GPC5: variants seen among roughly 807,000 people sequenced by gnomAD.
GPC5 encodes glypican 5, also known as glypican-5.
In GPC5, 47 loss-of-function variants were observed where a neutral mutation model predicts 53.9. That is an observed-to-expected ratio of 0.87 (90% CI 0.69 to 1.11). GPC5 has a LOEUF of 1.11. Among genes scored for constraint, GPC5 ranks in the 50% most tolerant of loss-of-function variants. The probability of loss-of-function intolerance (pLI) is 0.00; values close to 1 mark genes in which losing one functional copy is unlikely to be tolerated. For missense variants in GPC5, 748 were observed against 713.1 expected (o/e 1.05, Z -0.56); for synonymous variants, 286 against 263.3 (o/e 1.09, Z -0.84).
At chr13:92,694,759 G>A (rs1471837239) in intron 7 of GPC5, among the ~76,000 whole-genome samples, 1 of 152,180 alleles carries the variant, frequency 6.6e-6, no homozygotes, top group African/African-American at 2.4e-5. Flanking sequence ...AACTTTGGGG[G>A]ATTCTTGGGA....
rs111333484 is a variant in GPC5 at position 91,896,446 on chromosome 13, C to T, written c.1281-11491C>T. Among the ~76,000 whole-genome samples, 489 of 152,242 alleles carry T rather than the reference C, an allele frequency of 3.2e-3. 3 individuals carry two copies. Among genetic ancestry groups the T allele is most frequent in the African/African-American group, 0.011 (466 of 41,556 alleles). ...TATTTTAAGACCCTTAATTTAATCA[C>T]ATCTGTAAACCCCCTTTGTAAGCTT... On this transcript the variant is annotated intron_variant, in intron 5 of 7. Coordinates refer to ENST00000377067, the MANE Select transcript of GPC5 (RefSeq NM_004466.6).
intron 2 of GPC5, among the ~76,000 whole-genome samples, chr13:91,603,995 A>G (rs1421093486): frequency 6.7e-6 from 1 of 148,844 alleles, no homozygotes; most frequent in Admixed American, 6.7e-5. Flanking sequence ...GTACATGTGC[A>G]CATTGTGCAG....
At chr13:91,632,841 A>C (rs1450517293) in intron 2 of GPC5, among the ~76,000 whole-genome samples, 2 of 152,108 alleles carry the variant, frequency 1.3e-5, no homozygotes, top group African/African-American at 4.8e-5. Context: ...AGAATTTAGA[A>C]AGATTATCTG....
At chr13:92,206,913 A>T (rs2042341936) in intron 7 of GPC5, among the ~76,000 whole-genome samples, 1 of 152,146 alleles carries the variant, frequency 6.6e-6, no homozygotes, top group South Asian at 2.1e-4. Context: ...AAAAGATGGA[A>T]TGGTCTTCAC....
At chr13:91,621,970 T>G (rs1262728965) in intron 2 of GPC5, among the ~76,000 whole-genome samples, 4 of 151,708 alleles carry the variant, frequency 2.6e-5, no homozygotes, top group Non-Finnish European at 5.9e-5. Context: ...AAATCACTGG[T>G]GTAAGTCTGA....
intron 2 of GPC5, among the ~76,000 whole-genome samples, chr13:91,518,326 G>A (rs982790740): frequency 2.6e-5 from 4 of 152,018 alleles, no homozygotes; most frequent in South Asian, 2.1e-4. Context: ...ACATCATTGC[G>A]TTCCAGCGTG....
chr13:92,296,121 C>G (rs1242443352), intron 7 of GPC5, among the ~76,000 whole-genome samples: 2 of 152,100 alleles, frequency 1.3e-5, no homozygotes, highest in Non-Finnish European at 2.9e-5. Flanking sequence ...GACCTACTGT[C>G]TGTAGGTCTC....
intron 7 of GPC5, among the ~76,000 whole-genome samples, chr13:92,627,977 G>C (rs976634445): frequency 1.3e-5 from 2 of 152,096 alleles, no homozygotes; most frequent in Non-Finnish European, 2.9e-5. Flanking sequence ...TGGTGTGGTA[G>C]ACTGAAATAC....
chr13:92,125,924 G>GTTTTTTTT (rs1190169532), intron 6 of GPC5, among the ~76,000 whole-genome samples: 10 of 75,872 alleles, frequency 1.3e-4, no homozygotes, highest in African/African-American at 2.6e-4. Context: ...TTGTTTTTTG[G>GTTTTTTTT]TTTTTTTTTT....
intron 1 of GPC5, among the ~76,000 whole-genome samples, chr13:91,407,695 G>A (rs942085721): frequency 9.2e-5 from 14 of 152,104 alleles, no homozygotes; most frequent in Non-Finnish European, 2.1e-4. Flanking sequence ...ACTCGTCTGT[G>A]GAACTATTCC....
intron 6 of GPC5, among the ~76,000 whole-genome samples, chr13:92,095,449 G>A (rs1336726486): frequency 2.0e-5 from 3 of 152,150 alleles, no homozygotes; most frequent in Non-Finnish European, 2.9e-5. Flanking sequence ...GTGGGTTCAA[G>A]CAATTCTCCT....
At chr13:91,881,697 G>A (rs2039265394) in intron 5 of GPC5, among the ~76,000 whole-genome samples, 1 of 152,112 alleles carries the variant, frequency 6.6e-6, no homozygotes, top group Non-Finnish European at 1.5e-5. Context: ...TACTCCTATT[G>A]CAGGTAGAAT....
intron 2 of GPC5, among the ~76,000 whole-genome samples, chr13:91,500,773 C>T (rs1884578738): frequency 6.6e-6 from 1 of 151,998 alleles, no homozygotes; most frequent in Middle Eastern, 3.2e-3. Flanking sequence ...TGGCTGTGTC[C>T]CCACCCAAAT....
At chr13:92,223,012 T>C (rs1054320211) in intron 7 of GPC5, among the ~76,000 whole-genome samples, 1 of 152,174 alleles carries the variant, frequency 6.6e-6, no homozygotes, top group Non-Finnish European at 1.5e-5. Flanking sequence ...TTATAGATTT[T>C]TTATGAGGAC....
intron 2 of GPC5, among the ~76,000 whole-genome samples, chr13:91,670,788 G>A (rs976881848): frequency 5.9e-5 from 9 of 152,290 alleles, no homozygotes; most frequent in Admixed American, 5.2e-4. Flanking sequence ...AGCGGCTTCA[G>A]CATTACTGTC....
intron 7 of GPC5, among the ~76,000 whole-genome samples, chr13:92,850,922 A>T (rs576216708): frequency 1.3e-5 from 2 of 152,348 alleles, no homozygotes; most frequent in South Asian, 4.1e-4. Context: ...GAAATACCTA[A>T]GACTGCATAA....
At chr13:91,930,975 A>G (rs1377042625) in intron 6 of GPC5, among the ~76,000 whole-genome samples, 1 of 152,052 alleles carries the variant, frequency 6.6e-6, no homozygotes, top group Non-Finnish European at 1.5e-5. Context: ...TTTCTTAAAA[A>G]CTTCTAAACA....
In GPC5 at chr13:92,638,544, C is replaced by T. The variant is rs575854753; in HGVS notation, c.1562-227738C>T. On this transcript the variant is annotated intron_variant, in intron 7 of 7. Transcript: ENST00000377067. ...GGCTCTTCCCCCCATCCCAAGTCAG[C>T]TTCCTGTTTTCTCTTATACTCCTCT... is the stretch of plus-strand genomic sequence containing the variant. 4.8e-5 allele frequency among the ~76,000 whole-genome samples: 7 copies of T among 144,704 alleles called. No homozygotes were observed. In the South Asian group the frequency reaches 1.5e-3, roughly 31 times the overall value. 94.9% of individuals were successfully genotyped at this position (144,704 alleles called of 152,430 possible).
intron 7 of GPC5, among the ~76,000 whole-genome samples, chr13:92,585,963 G>T (rs61975862): frequency 6.6e-6 from 1 of 152,016 alleles, no homozygotes; most frequent in African/African-American, 2.4e-5. Context: ...TCTTTCTTTT[G>T]TAAATTGCCC....
Sources: gnomAD v4.1 joint callset for allele counts (sites outside exome capture counted in the v4.1 genomes callset) on GRCh38, gnomAD v4.1.1 for gene constraint, MANE v1.5 for transcripts, NCBI Gene and HGNC (gene_info 2026-07-23, HGNC 2026-07-21) for gene names.